TOX: variants seen among roughly 807,000 people sequenced by gnomAD.
The protein encoded by TOX is thymocyte selection-associated high mobility group box protein TOX.
In TOX, 11 loss-of-function variants were observed where a neutral mutation model predicts 53.7. The ratio of observed to expected loss-of-function variants is 0.20; its 90% CI spans 0.13 to 0.34. TOX has a LOEUF of 0.34. Among genes scored for constraint, TOX ranks in the 10% least tolerant of loss-of-function variants. The pLI is 1.00. For synonymous variants in TOX, 225 were observed against 245.3 expected (o/e 0.92, Z 0.77); for missense variants, 570 against 664.6 (o/e 0.86, Z 1.56).
rs1375026046 is a variant in TOX, at chr8:59,021,479, A to ATATATATAT, written c.103-61472_103-61471insATATATATA. On this transcript the variant is annotated intron_variant, in intron 1 of 8. Coordinates refer to ENST00000361421, the MANE Select transcript of TOX (RefSeq NM_014729.3). ...TTCTACAAGCAAAAAAAAAAAAAAA[A>ATATATATAT]AAATATATATATATATATATGCACA... is the stretch of plus-strand genomic sequence containing the variant. 2.5e-3 allele frequency among the ~76,000 whole-genome samples: 160 copies of ATATATATAT among 64,638 alleles called. 1 individual carries two copies. Among genetic ancestry groups the ATATATATAT allele is most frequent in the East Asian group, 6.7e-3 (17 of 2,550 alleles). The allele number at this position is 64,638 out of a possible 152,430, so 42.4% of individuals were successfully genotyped here. A position where few individuals can be genotyped will look rare whatever the true frequency, so the allele number is the denominator to read the frequency against.
In TOX at chr8:58,826,789, A is replaced by C. The variant is rs762884361; in HGVS notation, c.1005+33T>G. 11 of 1,573,658 alleles carry C rather than the reference A, an allele frequency of 7.0e-6. No homozygotes were observed. In the South Asian group the frequency reaches 1.3e-4, roughly 19 times the overall value. On this transcript the variant is annotated intron_variant, in intron 6 of 8. Coordinates refer to ENST00000361421, the MANE Select transcript of TOX (RefSeq NM_014729.3). ...TCAAAGTCTGCGCCGAGATGGCCAC[A>C]ATCCTTCACAATATCACACAACTGC... is the stretch of plus-strand genomic sequence containing the variant.
chr8:58,927,746 C>T (rs1812189443), intron 3 of TOX, among the ~76,000 whole-genome samples: 1 of 152,180 alleles, frequency 6.6e-6, no homozygotes, highest in Non-Finnish European at 1.5e-5. Context: ...GTGAATAACA[C>T]AGTAGCTGAC....
At chr8:58,870,234 A>C (rs1277822201) in intron 3 of TOX, among the ~76,000 whole-genome samples, 2 of 152,206 alleles carry the variant, frequency 1.3e-5, no homozygotes, top group African/African-American at 4.8e-5. Context: ...AGTATGGAGG[A>C]TATAAGGCTT....
At chr8:59,000,755 A>G (rs1223583051) in intron 1 of TOX, among the ~76,000 whole-genome samples, 2 of 152,218 alleles carry the variant, frequency 1.3e-5, no homozygotes, top group Non-Finnish European at 2.9e-5. Context: ...CAGCAATACT[A>G]TATCAGTGAT....
intron 1 of TOX, among the ~76,000 whole-genome samples, chr8:59,061,099 A>AT (rs1355387951): frequency 3.3e-5 from 5 of 152,220 alleles, no homozygotes. Context: ...TTACCAAGAG[A>AT]TTGTACGGTA....
At chr8:58,911,414 T>C (rs1811905913) in intron 3 of TOX, among the ~76,000 whole-genome samples, 1 of 152,244 alleles carries the variant, frequency 6.6e-6, no homozygotes, top group African/African-American at 2.4e-5. Flanking sequence ...TACTATTTCT[T>C]ATTGTTATAT....
intron 1 of TOX, among the ~76,000 whole-genome samples, chr8:59,048,884 T>A (rs1803736321): frequency 6.6e-6 from 1 of 152,180 alleles, no homozygotes; most frequent in Non-Finnish European, 1.5e-5. Flanking sequence ...ACTATTTATG[T>A]TTATATAAGT....
chr8:58,882,521 C>T (rs1267012478), intron 3 of TOX, among the ~76,000 whole-genome samples: 1 of 152,148 alleles, frequency 6.6e-6, no homozygotes, highest in Non-Finnish European at 1.5e-5. Context: ...GAAGTTAGCC[C>T]CTGCTTTGCT....
chr8:59,052,833 T>C (rs955359658), intron 1 of TOX, among the ~76,000 whole-genome samples: 2 of 152,134 alleles, frequency 1.3e-5, no homozygotes, highest in Non-Finnish European at 2.9e-5. Context: ...ACTTGCAAAG[T>C]TCTTAGAAAA....
At chr8:59,072,408 G>A (rs1180845320) in intron 1 of TOX, among the ~76,000 whole-genome samples, 1 of 152,138 alleles carries the variant, frequency 6.6e-6, no homozygotes, top group Non-Finnish European at 1.5e-5. Flanking sequence ...TAGATTCAAT[G>A]ATATCATCAT....
At chr8:58,882,821 A>G (rs1811406062) in intron 3 of TOX, among the ~76,000 whole-genome samples, 1 of 152,206 alleles carries the variant, frequency 6.6e-6, no homozygotes, top group African/African-American at 2.4e-5. Flanking sequence ...AAAAGAGTTA[A>G]CTGGATGATG....
chr8:58,888,352 A>G (rs1811505998), intron 3 of TOX, among the ~76,000 whole-genome samples: 1 of 152,088 alleles, frequency 6.6e-6, no homozygotes, highest in African/African-American at 2.4e-5. Context: ...TTAACAACAA[A>G]TGTGTAAGAT....
chr8:59,091,167 C>T (rs1362827487), intron 1 of TOX, among the ~76,000 whole-genome samples: 1 of 152,160 alleles, frequency 6.6e-6, no homozygotes, highest in Non-Finnish European at 1.5e-5. Flanking sequence ...AGCCTCAAAG[C>T]CTCAATTCCT....
intron 1 of TOX, among the ~76,000 whole-genome samples, chr8:59,030,245 T>C (rs1458848772): frequency 1.3e-5 from 2 of 152,176 alleles, no homozygotes; most frequent in African/African-American, 4.8e-5. Flanking sequence ...AGTATTTTAA[T>C]TTAAACCTTT....
chr8:58,935,376 G>A (rs4738740), intron 3 of TOX, among the ~76,000 whole-genome samples: 103,944 of 151,936 alleles, frequency 0.68, 35,882 homozygotes, highest in Non-Finnish European at 0.72. Context: ...TACAATCACA[G>A]TACTAACAGC....
At chr8:58,869,677 A>G (rs568090594) in intron 3 of TOX, among the ~76,000 whole-genome samples, 8 of 152,202 alleles carry the variant, frequency 5.3e-5, no homozygotes, top group Non-Finnish European at 1.2e-4. Flanking sequence ...CACAACCAGG[A>G]TTTATATTAG....
At chr8:59,111,709 T>G (rs1805019466) in intron 1 of TOX, among the ~76,000 whole-genome samples, 1 of 152,192 alleles carries the variant, frequency 6.6e-6, no homozygotes, top group Non-Finnish European at 1.5e-5. Flanking sequence ...TCATCACTAC[T>G]GTGGATCAGA....
intron 1 of TOX, among the ~76,000 whole-genome samples, chr8:58,977,276 C>T (rs1361577630): frequency 6.6e-6 from 1 of 152,166 alleles, no homozygotes; most frequent in Non-Finnish European, 1.5e-5. Flanking sequence ...ACTCATGAAC[C>T]AACCTCTGCT....
chr8:59,078,259 C>T (rs1222080319), intron 1 of TOX, among the ~76,000 whole-genome samples: 1 of 152,132 alleles, frequency 6.6e-6, no homozygotes, highest in East Asian at 1.9e-4. Context: ...ACTCTTCCTC[C>T]AGGAGCCTGG....
Sources: allele counts gnomAD v4.1 joint callset (sites outside exome capture counted in the v4.1 genomes callset), GRCh38; gene constraint gnomAD v4.1.1; transcripts MANE v1.5; gene names NCBI Gene and HGNC (gene_info 2026-07-23, HGNC 2026-07-21).